DNAJA3: variants seen among roughly 807,000 people sequenced by gnomAD.
DNAJA3 encodes the protein DnaJ heat shock protein family (Hsp40) member A3.
A neutral mutation model predicts 54.9 loss-of-function variants in DNAJA3; 29 were observed. That is an observed-to-expected ratio of 0.53 (90% CI 0.39 to 0.72). The LOEUF is 0.72. Among genes scored for constraint, DNAJA3 ranks in the 30% least tolerant of loss-of-function variants. DNAJA3 has a pLI of 0.00. For synonymous variants in DNAJA3, 302 were observed against 251.4 expected (o/e 1.20, Z -1.90); for missense variants, 708 against 639.4 (o/e 1.11, Z -1.16).
chr16:4,433,522 G>A (rs1392196245), intron 1 of DNAJA3: 1 of 152,200 alleles, frequency 6.6e-6, no homozygotes, highest in Non-Finnish European at 1.5e-5. Context: ...GTCTGGAGTA[G>A]GGCTTGAACA....
intron 1 of DNAJA3, chr16:4,431,174 A>C (rs949438413): frequency 2.6e-5 from 4 of 152,260 alleles, no homozygotes; most frequent in Middle Eastern, 3.2e-3. Context: ...TTGAAGCCAC[A>C]GCTGCCACAG....
chr16:4,443,941 T>G (rs923749030), intron 6 of DNAJA3, among the ~76,000 whole-genome samples: 3 of 152,180 alleles, frequency 2.0e-5, no homozygotes, highest in Admixed American at 2.0e-4. Flanking sequence ...CCGCCTCGGC[T>G]TCCCAAAGTG....
At position 4,455,604 on chromosome 16, in the gene DNAJA3, C is replaced by T. The variant is rs769724919; in HGVS notation, c.*72C>T. 4.8e-5 allele frequency: 75 copies of T among 1,551,480 alleles called. No homozygotes were observed. The highest frequency in any genetic ancestry group is 6.4e-5 in the Non-Finnish European group (73 of 1,146,872). On this transcript the variant is annotated 3_prime_UTR_variant, in exon 12 of 12. Coordinates refer to ENST00000262375, the MANE Select transcript of DNAJA3 (RefSeq NM_005147.6). ...AGCAGCCCCTCCAAGGGCCAGGGCA[C>T]CTGGGAGACGGGAGGATTCCAGAAC...
intron 6 of DNAJA3, among the ~76,000 whole-genome samples, chr16:4,443,951 G>C (rs2056870405): frequency 6.6e-6 from 1 of 152,230 alleles, no homozygotes; most frequent in Non-Finnish European, 1.5e-5. Flanking sequence ...TTCCCAAAGT[G>C]CTGAGATTAT....
Position 4,452,906 on chromosome 16 carries a change from G to C in DNAJA3, c.1340-1905G>C, listed in dbSNP as rs144482908. Among the ~76,000 whole-genome samples the C allele has an allele frequency of 9.2e-5, 14 of 152,310 alleles. No individual in the cohort carries two copies. The East Asian group carries it at 2.7e-3, about 29-fold the overall frequency. ...AGCCTGGGTGCCAGGGCAAGACTCT[G>C]TCCCTAAGCATACACCGTCACATGT... On this transcript the variant is annotated intron_variant, in intron 10 of 11. Transcript: ENST00000262375.
At chr16:4,434,295 C>T in intron 1 of DNAJA3, 89 bp from the exon 2 acceptor site, 1 of 1,439,846 alleles carries the variant, frequency 6.9e-7, no homozygotes, top group Non-Finnish European at 9.5e-7. Flanking sequence ...TTTGTTCCTT[C>T]ACAGATATAG....
Position 4,456,347 on chromosome 16 carries a change from T to C in DNAJA3, c.*815T>C, listed in dbSNP as rs1393048460. On this transcript the variant is annotated 3_prime_UTR_variant, in exon 12 of 12. Coordinates refer to ENST00000262375, the MANE Select transcript of DNAJA3 (RefSeq NM_005147.6). The stretch of plus-strand genomic sequence containing the variant: ...AGCACTGTGCTGGCCAGACTTCAGC[T>C]GCCTTGGGAACTGAAGCCCTGCCAC... 1.3e-5 allele frequency: 2 copies of C among 152,314 alleles called. No individual in the cohort carries two copies. The highest frequency in any genetic ancestry group is 1.3e-4 in the Admixed American group (2 of 15,286). 9.4% of individuals were successfully genotyped at this position (152,314 alleles called of 1,614,324 possible).
chr16:4,441,694 G>A, intron 4 of DNAJA3, 119 bp downstream of exon 4: 1 of 953,784 alleles, frequency 1.0e-6, no homozygotes, highest in Non-Finnish European at 1.6e-6. Context: ...TGATCTGGAG[G>A]CAGCCATTTT....
intron 3 of DNAJA3, among the ~76,000 whole-genome samples, chr16:4,438,541 A>G (rs2056800252): frequency 6.6e-6 from 1 of 152,064 alleles, no homozygotes; most frequent in Non-Finnish European, 1.5e-5. Context: ...ATGTAATCAG[A>G]GGACAAAGCA....
rs1407359068 is a variant in DNAJA3 at position 4,446,653 on chromosome 16, G to A, written c.997-233G>A. 4.6e-5 allele frequency among the ~76,000 whole-genome samples: 7 copies of A among 152,156 alleles called. No homozygotes were observed. In the East Asian group the frequency reaches 5.8e-4, roughly 13 times the overall value. ...GGAAATCCAGGCACGCTTCCATTTC[G>A]GCATTTCAAGTGTGTAGAACATTGC... is the stretch of plus-strand genomic sequence containing the variant. On this transcript the variant is annotated intron_variant, in intron 7 of 11. Transcript: ENST00000262375.
At chr16:4,450,378 G>C in intron 9 of DNAJA3, 22 bp from the exon 10 acceptor site, 4 of 1,576,316 alleles carry the variant, frequency 2.5e-6, no homozygotes, top group Non-Finnish European at 3.4e-6. Flanking sequence ...AGCCTTGGCT[G>C]CTGACTCTGC....
intron 10 of DNAJA3, among the ~76,000 whole-genome samples, chr16:4,451,008 T>C (rs1051381006): frequency 5.3e-5 from 8 of 152,210 alleles, no homozygotes; most frequent in African/African-American, 1.4e-4. Flanking sequence ...CTCCAAGTTA[T>C]CTAGCCGTGA....
chr16:4,446,407 T>C (rs11076832), intron 7 of DNAJA3, among the ~76,000 whole-genome samples: 102,025 of 151,392 alleles, frequency 0.67, 34,575 homozygotes, highest in Non-Finnish European at 0.72. Flanking sequence ...CCACACCTGG[T>C]TAATTTTTGT....
chr16:4,450,387 G>C lies in DNAJA3; in HGVS notation c.1242-13G>C, dbSNP rs746077787. The C allele has an allele frequency of 6.6e-5, 105 of 1,590,170 alleles. 1 individual carries two copies. The Middle Eastern group carries it at 8.4e-4, about 13-fold the overall frequency. On this transcript the variant is annotated splice_polypyrimidine_tract_variant and intron_variant, in intron 9 of 11. Coordinates refer to ENST00000262375, the MANE Select transcript of DNAJA3 (RefSeq NM_005147.6). ...GGCGGAAGCCTTGGCTGCTGACTCT[G>C]CTCGGTCCACAGGAGGCTAACGAGC...
chr16:4,452,814 G>T (rs950359256), intron 10 of DNAJA3, among the ~76,000 whole-genome samples: 17 of 152,156 alleles, frequency 1.1e-4, no homozygotes, highest in African/African-American at 4.1e-4. Flanking sequence ...GGGAAGCTGA[G>T]ATGAGAAGAT....
chr16:4,445,717 G>C (rs1157553748), intron 7 of DNAJA3, among the ~76,000 whole-genome samples: 1 of 149,944 alleles, frequency 6.7e-6, no homozygotes, highest in East Asian at 2.0e-4. Context: ...AGGCCCGGCT[G>C]ACTTTTGTAT....
chr16:4,443,216 T>A, intron 6 of DNAJA3, 52 bp downstream of exon 6: 1 of 1,605,164 alleles, frequency 6.2e-7, no homozygotes, highest in Non-Finnish European at 8.5e-7. Flanking sequence ...CAGACAGGGT[T>A]GAGGCTACCA....
At chr16:4,444,997 TATG>T (rs2056886086) in intron 7 of DNAJA3, among the ~76,000 whole-genome samples, 1 of 152,222 alleles carries the variant, frequency 6.6e-6, no homozygotes, top group South Asian at 2.1e-4. Context: ...CTTGTGTTTT[TATG>T]ATAAGATTGT....
intron 3 of DNAJA3, chr16:4,437,735 A>T: frequency 2.6e-6 from 1 of 379,554 alleles, no homozygotes; most frequent in Admixed American, 4.5e-5. Flanking sequence ...AGTTGGCTTG[A>T]CCCTAGGAGT....
Sources: allele counts gnomAD v4.1 joint callset (sites outside exome capture counted in the v4.1 genomes callset), GRCh38; gene constraint gnomAD v4.1.1; transcripts MANE v1.5; gene names NCBI Gene and HGNC (gene_info 2026-07-23, HGNC 2026-07-21).